SEMA6D: variants seen among roughly 807,000 people sequenced by gnomAD.
The protein encoded by SEMA6D is semaphorin 6D, also known as semaphorin-6D.
In SEMA6D, 35 loss-of-function variants were observed where a neutral mutation model predicts 106.6. That is an observed-to-expected ratio of 0.33 (90% CI 0.25 to 0.44). The LOEUF (loss-of-function observed/expected upper bound fraction) is 0.44. SEMA6D is among the 20% of genes least tolerant of loss of function. The pLI, the probability that SEMA6D is intolerant of heterozygous loss-of-function variation, is 1.00. For synonymous variants in SEMA6D, 499 were observed against 487.7 expected (o/e 1.02, Z -0.31); for missense variants, 1,185 against 1,345.9 (o/e 0.88, Z 1.87).
chr15:47,472,657 TA>T (rs1480332826), intron 3 of SEMA6D, among the ~76,000 whole-genome samples: 1 of 151,984 alleles, frequency 6.6e-6, no homozygotes, highest in Non-Finnish European at 1.5e-5. Context: ...AATAACATAT[TA>T]AAAATATCAA....
At position 47,770,638 on chromosome 15, in the gene SEMA6D, G is replaced by A. The variant is rs143569171; in HGVS notation, c.2075G>A (p.Arg692Gln). Residue 692 changes from arginine to glutamine, a missense_variant, in exon 19 of 19, where the codon CGG becomes CAG. Physicochemically the swap from Arg to Gln is conservative, Grantham distance 43. Transcript: ENST00000536845. ...TACTGCTATCGAGACATGTTTGTTC[G>A]GAAAAACAGAAAGATCCATAAAGAT... ...AVYCYRDMFVRKNRKIHKDAE... is the reference protein window; with the variant it reads ...AVYCYRDMFVQKNRKIHKDAE... 9.6e-5 allele frequency: 155 copies of A among 1,613,924 alleles called. 3 individuals are homozygous for A. The East Asian group carries it at 2.0e-3, about 21-fold the overall frequency.
chr15:47,605,777 G>A (rs1399662922), intron 4 of SEMA6D, among the ~76,000 whole-genome samples: 1 of 152,196 alleles, frequency 6.6e-6, no homozygotes, highest in Admixed American at 6.5e-5. Flanking sequence ...TATGGGGGTT[G>A]GAGGCTTCCA....
chr15:47,423,867 T>C (rs2041247610), intron 2 of SEMA6D, among the ~76,000 whole-genome samples: 1 of 152,066 alleles, frequency 6.6e-6, no homozygotes, highest in Non-Finnish European at 1.5e-5. Flanking sequence ...TGTTTCCAAG[T>C]GCTTTTCTTG....
chr15:47,765,126 T>C (rs2082269629), intron 13 of SEMA6D, 70 bp downstream of exon 13: 2 of 1,569,184 alleles, frequency 1.3e-6, no homozygotes, highest in South Asian at 1.2e-5. Flanking sequence ...CATCTAGTCA[T>C]GTCCTTTTGG....
intron 1 of SEMA6D, among the ~76,000 whole-genome samples, chr15:47,323,649 A>T (rs1425800851): frequency 6.6e-6 from 1 of 152,196 alleles, no homozygotes; most frequent in East Asian, 1.9e-4. Flanking sequence ...GCTTTAAACT[A>T]TCCTTGGCTT....
intron 4 of SEMA6D, among the ~76,000 whole-genome samples, chr15:47,691,007 G>T (rs1161151216): frequency 6.6e-6 from 1 of 152,052 alleles, no homozygotes; most frequent in Admixed American, 6.6e-5. Flanking sequence ...TTTAGAATAT[G>T]CCAGTTTGGC....
intron 1 of SEMA6D, among the ~76,000 whole-genome samples, chr15:47,291,757 TATC>T (rs1398589047): frequency 2.0e-5 from 3 of 152,260 alleles, no homozygotes; most frequent in Admixed American, 2.0e-4. Flanking sequence ...AAGTTATTTT[TATC>T]ATCATAATGT....
intron 3 of SEMA6D, among the ~76,000 whole-genome samples, chr15:47,574,823 A>G (rs1373206917): frequency 1.3e-5 from 2 of 152,206 alleles, no homozygotes; most frequent in East Asian, 1.9e-4. Flanking sequence ...GGTCTCTGCT[A>G]TCTCCTCATT....
chr15:47,440,618 A>G (rs1401019293), intron 2 of SEMA6D, among the ~76,000 whole-genome samples: 2 of 152,034 alleles, frequency 1.3e-5, no homozygotes, highest in Non-Finnish European at 2.9e-5. Flanking sequence ...AATTAGAAAG[A>G]AAAACAAATA....
At chr15:47,649,813 A>C (rs1047712946) in intron 4 of SEMA6D, among the ~76,000 whole-genome samples, 3 of 137,062 alleles carry the variant, frequency 2.2e-5, no homozygotes, top group Non-Finnish European at 4.4e-5. Flanking sequence ...GCTATACAAT[A>C]GCTCGTGGAG....
At chr15:47,540,666 A>C (rs538854501) in intron 3 of SEMA6D, among the ~76,000 whole-genome samples, 74 of 152,276 alleles carry the variant, frequency 4.9e-4, no homozygotes, top group African/African-American at 1.3e-3. Context: ...CAGGGAGTGC[A>C]CCATCTCATT....
At chr15:47,483,285 T>G (rs868009484) in intron 3 of SEMA6D, among the ~76,000 whole-genome samples, 1 of 152,286 alleles carries the variant, frequency 6.6e-6, no homozygotes, top group African/African-American at 2.4e-5. Context: ...CCCTTCAGAC[T>G]GCAAAGGTAT....
At chr15:47,318,585 A>C (rs980001848) in intron 1 of SEMA6D, among the ~76,000 whole-genome samples, 4 of 148,554 alleles carry the variant, frequency 2.7e-5, no homozygotes, top group African/African-American at 9.9e-5. Context: ...TGTCCCTACA[A>C]AGGACATGAA....
chr15:47,693,043 G>A (rs2078622962), intron 4 of SEMA6D, among the ~76,000 whole-genome samples: 1 of 152,122 alleles, frequency 6.6e-6, no homozygotes, highest in South Asian at 2.1e-4. Context: ...AAAACTTATA[G>A]GCTGTAGTTC....
At chr15:47,336,649 T>C (rs1364817400) in intron 1 of SEMA6D, among the ~76,000 whole-genome samples, 18 of 152,172 alleles carry the variant, frequency 1.2e-4, no homozygotes, top group Non-Finnish European at 2.9e-5. Context: ...CCAGAAGTGT[T>C]TTGTAATACA....
chr15:47,723,266 A>T (rs1432464265), intron 1 of SEMA6D, among the ~76,000 whole-genome samples: 1 of 152,104 alleles, frequency 6.6e-6, no homozygotes, highest in Non-Finnish European at 1.5e-5. Context: ...TAATTATTAC[A>T]CACCCTTCTT....
chr15:47,510,833 T>G (rs1179243523), intron 3 of SEMA6D, among the ~76,000 whole-genome samples: 1 of 152,168 alleles, frequency 6.6e-6, no homozygotes, highest in African/African-American at 2.4e-5. Context: ...GCAGGGAGAC[T>G]CATCTGTGGA....
At chr15:47,263,989 A>G (rs1399658238) in intron 1 of SEMA6D, among the ~76,000 whole-genome samples, 1 of 151,748 alleles carries the variant, frequency 6.6e-6, no homozygotes, top group Non-Finnish European at 1.5e-5. Context: ...ATGTCATACA[A>G]CCACAATATA....
At chr15:47,643,722 T>C (rs2077531434) in intron 4 of SEMA6D, among the ~76,000 whole-genome samples, 1 of 152,224 alleles carries the variant, frequency 6.6e-6, no homozygotes, top group Non-Finnish European at 1.5e-5. Context: ...ATAATTAGTA[T>C]ATCTGTCACC....
Sources: allele counts gnomAD v4.1 joint callset (sites outside exome capture counted in the v4.1 genomes callset), GRCh38; gene constraint gnomAD v4.1.1; transcripts MANE v1.5; gene names NCBI Gene and HGNC (gene_info 2026-07-23, HGNC 2026-07-21).